CNTN4: variants seen among roughly 807,000 people sequenced by gnomAD.
CNTN4 encodes the protein contactin-4.
A neutral mutation model predicts 122.5 loss-of-function variants in CNTN4; 77 were observed. That is an observed-to-expected ratio of 0.63 (90% CI 0.52 to 0.76). The LOEUF is 0.76. Among genes scored for constraint, CNTN4 ranks in the 30% least tolerant of loss-of-function variants. CNTN4 has a pLI of 0.00. For synonymous variants in CNTN4, 512 were observed against 447.0 expected (o/e 1.15, Z -1.83); for missense variants, 1,256 against 1,259.1 (o/e 1.00, Z 0.04).
intron 24 of CNTN4, among the ~76,000 whole-genome samples, chr3:3,054,434 A>T (rs1406388741): frequency 2.0e-5 from 3 of 152,258 alleles, no homozygotes; most frequent in Non-Finnish European, 4.4e-5. Flanking sequence ...CAATGGGTAT[A>T]TGCAACATGT....
chr3:2,894,355 A>G (rs901742307), intron 10 of CNTN4, among the ~76,000 whole-genome samples: 1 of 152,180 alleles, frequency 6.6e-6, no homozygotes, highest in Non-Finnish European at 1.5e-5. Context: ...TACCATTGTC[A>G]TTTGTGTTAG....
Position 2,253,650 on chromosome 3 carries a change from T to G in CNTN4, c.-144-85528T>G, listed in dbSNP as rs1214274270. ...AGCCATGATTACTTTTTCATTTTTT[T>G]TTTTTTATTGAGACAGAGTCGCACT... On this transcript the variant is annotated intron_variant, in intron 2 of 24. Coordinates refer to ENST00000418658, the MANE Select transcript of CNTN4 (RefSeq NM_175607.3). Among the ~76,000 whole-genome samples the G allele has an allele frequency of 3.3e-5, 5 of 152,010 alleles. No individual in the cohort carries two copies. In the East Asian group the frequency reaches 7.8e-4, roughly 24 times the overall value.
intron 7 of CNTN4, among the ~76,000 whole-genome samples, chr3:2,863,394 G>A (rs1157806198): frequency 1.4e-5 from 2 of 147,070 alleles, no homozygotes; most frequent in Non-Finnish European, 3.0e-5. Flanking sequence ...TGTTGGTTAG[G>A]TTCCTTAGCA....
At chr3:2,240,768 T>C (rs1298379184) in intron 2 of CNTN4, among the ~76,000 whole-genome samples, 1 of 152,182 alleles carries the variant, frequency 6.6e-6, no homozygotes, top group African/African-American at 2.4e-5. Context: ...GAATACTAGA[T>C]ATTAAAAATT....
chr3:2,232,151 C>G (rs2149550600), intron 2 of CNTN4, among the ~76,000 whole-genome samples: 1 of 152,066 alleles, frequency 6.6e-6, no homozygotes, highest in Middle Eastern at 3.4e-3. Flanking sequence ...CATCGTCATC[C>G]AATAATAATA....
intron 6 of CNTN4, among the ~76,000 whole-genome samples, chr3:2,768,976 C>G (rs950734513): frequency 1.3e-5 from 2 of 152,124 alleles, no homozygotes; most frequent in African/African-American, 2.4e-5. Context: ...GTCTTGAAGT[C>G]TTTTCATTGT....
intron 4 of CNTN4, among the ~76,000 whole-genome samples, chr3:2,651,245 A>G (rs1048580034): frequency 2.6e-5 from 4 of 152,100 alleles, no homozygotes; most frequent in Admixed American, 2.0e-4. Context: ...CTTTCCTTGC[A>G]GTGAAGGGAC....
At chr3:2,617,499 C>G (rs2081812407) in intron 4 of CNTN4, among the ~76,000 whole-genome samples, 2 of 142,450 alleles carry the variant, frequency 1.4e-5, no homozygotes, top group South Asian at 4.4e-4. Flanking sequence ...TGGCTCACTG[C>G]AACCTCCACC....
rs370236819 is a variant in CNTN4 at position 2,937,153 on chromosome 3, T to G, written c.1358+11374T>G. 5.9e-5 allele frequency among the ~76,000 whole-genome samples: 9 copies of G among 152,358 alleles called. 1 individual carries two copies. The highest frequency in any genetic ancestry group is 3.9e-4 in the East Asian group (2 of 5,190). ...GTTTGTTTTTGGTTTGCTGTGCCTT[T>G]TATTTGTTCTTTGTGACTTACACTT... On this transcript the variant is annotated intron_variant, in intron 13 of 24. Transcript: ENST00000418658.
At chr3:2,722,363 A>C (rs2149401985) in intron 4 of CNTN4, among the ~76,000 whole-genome samples, 1 of 152,306 alleles carries the variant, frequency 6.6e-6, no homozygotes, top group East Asian at 1.9e-4. Flanking sequence ...GAATGAATGA[A>C]AGATGTTAAT....
intron 3 of CNTN4, among the ~76,000 whole-genome samples, chr3:2,361,543 G>T (rs2045140720): frequency 6.6e-6 from 1 of 152,250 alleles, no homozygotes; most frequent in South Asian, 2.1e-4. Flanking sequence ...TGTGACTTTG[G>T]CATTGTTAGC....
intron 12 of CNTN4, among the ~76,000 whole-genome samples, chr3:2,911,794 A>G (rs552851186): frequency 2.0e-5 from 3 of 152,340 alleles, no homozygotes; most frequent in South Asian, 2.1e-4. Flanking sequence ...TTCAGAATAT[A>G]GTACTCAATT....
At chr3:2,747,879 T>A (rs1181721371) in intron 6 of CNTN4, among the ~76,000 whole-genome samples, 1 of 152,192 alleles carries the variant, frequency 6.6e-6, no homozygotes, top group African/African-American at 2.4e-5. Context: ...AAACTTGACA[T>A]CTCTTTCTTA....
intron 2 of CNTN4, among the ~76,000 whole-genome samples, chr3:2,186,397 G>C (rs1213516767): frequency 6.6e-6 from 1 of 152,116 alleles, no homozygotes; most frequent in African/African-American, 2.4e-5. Context: ...ACATACGTGT[G>C]CATGTGTGTT....
chr3:2,707,170 G>T (rs1202937702), intron 4 of CNTN4, among the ~76,000 whole-genome samples: 1 of 151,852 alleles, frequency 6.6e-6, no homozygotes. Context: ...GACGGGCATG[G>T]TGATGCATGC....
rs757377905 is a variant in CNTN4, at chr3:2,947,550, T to C, written c.1358+21771T>C. On this transcript the variant is annotated intron_variant, in intron 13 of 24. Coordinates refer to ENST00000418658, the MANE Select transcript of CNTN4 (RefSeq NM_175607.3). ...AGTGTTCTTTTTATTTTACCATGAA[T>C]GGTTAATAGTGGAAACTCTGTGTTT... 2.0e-3 allele frequency among the ~76,000 whole-genome samples: 312 copies of C among 152,378 alleles called. 2 individuals carry two copies. The highest frequency in any genetic ancestry group is 6.3e-4 in the Non-Finnish European group (43 of 68,032).
intron 3 of CNTN4, among the ~76,000 whole-genome samples, chr3:2,340,125 C>A (rs1017170300): frequency 6.6e-6 from 1 of 152,114 alleles, no homozygotes; most frequent in South Asian, 2.1e-4. Context: ...CTGTAAAGAT[C>A]CTTTTTAAAA....
intron 4 of CNTN4, among the ~76,000 whole-genome samples, chr3:2,658,395 C>T (rs1160982451): frequency 2.0e-5 from 3 of 152,138 alleles, no homozygotes; most frequent in Non-Finnish European, 4.4e-5. Context: ...CCATCATTAG[C>T]TGAGCTAAGG....
intron 23 of CNTN4, among the ~76,000 whole-genome samples, chr3:3,045,130 C>T (rs914030553): frequency 6.6e-6 from 1 of 152,164 alleles, no homozygotes; most frequent in Non-Finnish European, 1.5e-5. Context: ...AGGTAAATAG[C>T]GGCCTGGAAG....
Sources: allele counts gnomAD v4.1 joint callset (sites outside exome capture counted in the v4.1 genomes callset), GRCh38; gene constraint gnomAD v4.1.1; transcripts MANE v1.5; gene names NCBI Gene and HGNC (gene_info 2026-07-23, HGNC 2026-07-21).